WASF1: variants seen among roughly 807,000 people sequenced by gnomAD.
WASF1 encodes the protein WASP family member 1.
WASF1 carries 7 observed loss-of-function variants against 50.5 expected under a neutral mutation model. The ratio of observed to expected loss-of-function variants is 0.14; its 90% CI spans 0.08 to 0.26. The LOEUF (loss-of-function observed/expected upper bound fraction) is 0.26, where lower values mean the gene tolerates loss of function less well. Ranked by LOEUF, WASF1 falls within the 10% of genes least tolerant of loss-of-function variation. The pLI, the probability that WASF1 is intolerant of heterozygous loss-of-function variation, is 1.00. For missense variants in WASF1, 470 were observed against 694.7 expected (o/e 0.68, Z 3.64); for synonymous variants, 205 against 244.0 (o/e 0.84, Z 1.49).
At chr6:110,155,095 C>T (rs529584800) in intron 3 of WASF1, among the ~76,000 whole-genome samples, 1 of 152,028 alleles carries the variant, frequency 6.6e-6, no homozygotes, top group South Asian at 2.1e-4. Flanking sequence ...GCTCCTAATA[C>T]CCTGAAATAA....
chr6:110,115,385 C>T (rs1030304518), intron 4 of WASF1, among the ~76,000 whole-genome samples: 26 of 151,818 alleles, frequency 1.7e-4, no homozygotes, highest in African/African-American at 4.9e-4. Flanking sequence ...AAAAAGAAGG[C>T]CAAAAGAAGA....
chr6:110,148,984 A>G (rs191810887), intron 3 of WASF1, among the ~76,000 whole-genome samples: 16 of 152,296 alleles, frequency 1.1e-4, no homozygotes, highest in Admixed American at 3.3e-4. Flanking sequence ...ATTATTTCTA[A>G]AGCAGATCAA....
chr6:110,158,799 T>C (rs1776135145), intron 3 of WASF1, among the ~76,000 whole-genome samples: 1 of 151,974 alleles, frequency 6.6e-6, no homozygotes, highest in South Asian at 2.1e-4. Flanking sequence ...AGAATGGATG[T>C]CTACTTTCTT....
intron 2 of WASF1, among the ~76,000 whole-genome samples, chr6:110,175,341 A>G (rs866117935): frequency 3.9e-5 from 6 of 152,252 alleles, no homozygotes; most frequent in African/African-American, 1.4e-4. Context: ...GTTTATTTTT[A>G]AAAATTAAAA....
intron 4 of WASF1, among the ~76,000 whole-genome samples, chr6:110,122,062 A>C (rs1774159939): frequency 1.3e-5 from 2 of 152,116 alleles, no homozygotes; most frequent in African/African-American, 4.8e-5. Context: ...GAGGGATAGC[A>C]TTAGGAAAAA....
At chr6:110,179,313 G>A (rs1777097490) in intron 1 of WASF1, 126 bp downstream of exon 1, 1 of 152,270 alleles carries the variant, frequency 6.6e-6, no homozygotes, top group Admixed American at 6.5e-5. Flanking sequence ...CGGGGAAGGC[G>A]CGCCCATCCA....
chr6:110,127,497 T>C lies in WASF1; in HGVS notation c.105A>G (p.Ala35=). The change falls in exon 4 of 11, where the codon GCA becomes GCG. Residue 35 remains alanine (A), a synonymous_variant. Transcript: ENST00000392589. The stretch of plus-strand genomic sequence containing the variant: ...GGCTACTTAGTTGTCTAATTATATT[T>C]GCCAAGGAAATATTGGTTACACATT... ...ELECVTNISL[A]NIIRQLSSLS... The C allele has an allele frequency of 6.2e-7, 1 of 1,604,158 alleles. No individual in the cohort carries two copies. Among genetic ancestry groups the C allele is most frequent in the Non-Finnish European group, 8.5e-7 (1 of 1,175,754 alleles).
intron 3 of WASF1, among the ~76,000 whole-genome samples, chr6:110,139,940 ATTGTAC>A (rs1428775860): frequency 2.0e-5 from 3 of 152,330 alleles, no homozygotes; most frequent in African/African-American, 7.2e-5. Flanking sequence ...AAAACATCTA[ATTGTAC>A]TTGTAATATT....
At chr6:110,123,476 AG>A (rs2114504575) in intron 4 of WASF1, among the ~76,000 whole-genome samples, 1 of 152,352 alleles carries the variant, frequency 6.6e-6, no homozygotes, top group African/African-American at 2.4e-5. Flanking sequence ...CAGACATTTA[AG>A]CAAATATTTA....
At chr6:110,141,545 A>T (rs1775236932) in intron 3 of WASF1, among the ~76,000 whole-genome samples, 1 of 152,068 alleles carries the variant, frequency 6.6e-6, no homozygotes, top group South Asian at 2.1e-4. Context: ...ATTATACTTT[A>T]CTATACTGTG....
chr6:110,167,076 C>T (rs1407218577), intron 2 of WASF1, among the ~76,000 whole-genome samples: 1 of 151,616 alleles, frequency 6.6e-6, no homozygotes, highest in Non-Finnish European at 1.5e-5. Flanking sequence ...ACACTGTAGC[C>T]ATCATGCAGT....
chr6:110,150,719 C>A (rs1024863416), intron 3 of WASF1, among the ~76,000 whole-genome samples: 14 of 152,170 alleles, frequency 9.2e-5, no homozygotes, highest in Non-Finnish European at 2.1e-4. Context: ...TGGTGGTCAA[C>A]AAGGAACAAA....
chr6:110,146,388 G>A (rs1413627363), intron 3 of WASF1, among the ~76,000 whole-genome samples: 1 of 151,500 alleles, frequency 6.6e-6, no homozygotes, highest in African/African-American at 2.4e-5. Context: ...TGTTTAAATA[G>A]AGCTTTGCTC....
chr6:110,140,267 A>G (rs1415864490), intron 3 of WASF1, among the ~76,000 whole-genome samples: 1 of 152,194 alleles, frequency 6.6e-6, no homozygotes, highest in African/African-American at 2.4e-5. Flanking sequence ...AGGTTCCTGG[A>G]AAGTGGTATG....
chr6:110,116,734 T>G (rs1215980509), intron 4 of WASF1, among the ~76,000 whole-genome samples: 1 of 152,156 alleles, frequency 6.6e-6, no homozygotes, highest in African/African-American at 2.4e-5. Context: ...AGTGGGTCCC[T>G]GACCCCCGTG....
At chr6:110,124,548 A>G (rs892262491) in intron 4 of WASF1, among the ~76,000 whole-genome samples, 3 of 151,948 alleles carry the variant, frequency 2.0e-5, no homozygotes, top group African/African-American at 7.3e-5. Context: ...AAAGTGAATT[A>G]TAGGTTTGTG....
chr6:110,159,049 G>A (rs1187352625), intron 3 of WASF1, among the ~76,000 whole-genome samples: 1 of 151,778 alleles, frequency 6.6e-6, no homozygotes, highest in Non-Finnish European at 1.5e-5. Context: ...TGTCTATTCA[G>A]TCATACCATA....
rs184904080 is a variant in WASF1, at chr6:110,120,337, C to T, written c.134-6877G>A. Among the ~76,000 whole-genome samples, 101 of 152,296 alleles carry T rather than the reference C, an allele frequency of 6.6e-4. 3 individuals carry two copies. In the East Asian group the frequency reaches 0.019, roughly 28 times the overall value. On this transcript the variant is annotated intron_variant, in intron 4 of 10. Transcript: ENST00000392589. Reference sequence around the variant, plus strand: ...TCCTTAAGCTGATACGCAACTTCAGCGAAGTCTCAGGATACAAAATCAATG... The same window carrying T: ...TCCTTAAGCTGATACGCAACTTCAGTGAAGTCTCAGGATACAAAATCAATG...
chr6:110,170,396 T>C (rs1467318539), intron 2 of WASF1, among the ~76,000 whole-genome samples: 2 of 152,068 alleles, frequency 1.3e-5, no homozygotes, highest in South Asian at 2.1e-4. Context: ...CTAATTTCTG[T>C]ATTTTTTTGT....
Sources: gnomAD v4.1 joint callset for allele counts (sites outside exome capture counted in the v4.1 genomes callset) on GRCh38, gnomAD v4.1.1 for gene constraint, MANE v1.5 for transcripts, NCBI Gene and HGNC (gene_info 2026-07-23, HGNC 2026-07-21) for gene names.